CDH12: variants seen among roughly 807,000 people sequenced by gnomAD.
CDH12 encodes cadherin 12.
Under a neutral mutation model 74.1 loss-of-function variants are expected in CDH12, and 41 were observed. The ratio of observed to expected loss-of-function variants is 0.55; its 90% CI spans 0.43 to 0.72. The LOEUF is 0.72. CDH12 is among the 30% of genes least tolerant of loss of function. The pLI is 0.00. For missense variants in CDH12, 945 were observed against 977.2 expected, an observed-to-expected ratio of 0.97 and a Z score of 0.44; for synonymous variants, 399 against 355.0, an observed-to-expected ratio of 1.12 and a Z score of -1.39.
At chr5:22,281,214 G>T (rs1736865093) in intron 3 of CDH12, among the ~76,000 whole-genome samples, 1 of 152,150 alleles carries the variant, frequency 6.6e-6, no homozygotes, top group Non-Finnish European at 1.5e-5. Flanking sequence ...GGTATTGGTG[G>T]GACGTTATCT....
At chr5:22,388,670 C>G (rs1742104681) in intron 3 of CDH12, among the ~76,000 whole-genome samples, 1 of 152,112 alleles carries the variant, frequency 6.6e-6, no homozygotes, top group Admixed American at 6.5e-5. Context: ...ACAAAATACA[C>G]TTAATTCTAA....
intron 1 of CDH12, among the ~76,000 whole-genome samples, chr5:22,848,862 T>C (rs1737423381): frequency 6.6e-6 from 1 of 152,218 alleles, no homozygotes. Flanking sequence ...TTTGGAAATC[T>C]TTATTTTCTG....
intron 1 of CDH12, among the ~76,000 whole-genome samples, chr5:22,775,293 A>C (rs985110188): frequency 6.6e-6 from 1 of 152,062 alleles, no homozygotes; most frequent in African/African-American, 2.4e-5. Flanking sequence ...CCACGGTCAA[A>C]ACTAGATTTG....
chr5:22,704,152 A>C (rs1161576694), intron 1 of CDH12, among the ~76,000 whole-genome samples: 1 of 152,148 alleles, frequency 6.6e-6, no homozygotes, highest in African/African-American at 2.4e-5. Flanking sequence ...TAAATTGTAA[A>C]AGTTTTGCAG....
chr5:22,026,048 T>TA (rs1561032342), intron 5 of CDH12, among the ~76,000 whole-genome samples: 1 of 152,188 alleles, frequency 6.6e-6, no homozygotes, highest in Non-Finnish European at 1.5e-5. Context: ...CCCAAATTCC[T>TA]ATTAATGTTG....
chr5:22,219,897 C>A (rs1012184222), intron 3 of CDH12, among the ~76,000 whole-genome samples: 1 of 151,654 alleles, frequency 6.6e-6, no homozygotes, highest in African/African-American at 2.4e-5. Context: ...AGATAACTCA[C>A]AAATGAGCTA....
In CDH12 at chr5:22,148,948, G is replaced by A. The variant is rs184957409; in HGVS notation, c.-187+63550C>T. ...AAACTGGCCAACATGGTGAAACCCC[G>A]TCTCACTAAAAATACAAAAATTAGC... On this transcript the variant is annotated intron_variant, in intron 4 of 14. Coordinates refer to ENST00000382254, the MANE Select transcript of CDH12 (RefSeq NM_004061.5). 6.0e-3 allele frequency among the ~76,000 whole-genome samples: 910 copies of A among 152,092 alleles called. 9 individuals are homozygous for A. The highest frequency in any genetic ancestry group is 6.8e-3 in the Non-Finnish European group (460 of 67,982).
intron 1 of CDH12, among the ~76,000 whole-genome samples, chr5:22,574,631 G>A (rs1739695518): frequency 6.6e-6 from 1 of 151,996 alleles, no homozygotes; most frequent in South Asian, 2.1e-4. Context: ...TCTATTATAT[G>A]TGTTCCCAGA....
chr5:22,548,172 T>C (rs1269448102), intron 1 of CDH12, among the ~76,000 whole-genome samples: 1 of 152,196 alleles, frequency 6.6e-6, no homozygotes, highest in Non-Finnish European at 1.5e-5. Flanking sequence ...CTTTAAAGAC[T>C]TCAGATACAT....
intron 1 of CDH12, among the ~76,000 whole-genome samples, chr5:22,631,696 C>A (rs1371635374): frequency 6.6e-6 from 1 of 152,112 alleles, no homozygotes; most frequent in African/African-American, 2.4e-5. Context: ...GTTCTGCAGG[C>A]TGTATAGGAA....
chr5:22,623,164 G>A (rs268992), intron 1 of CDH12, among the ~76,000 whole-genome samples: 73,992 of 151,916 alleles, frequency 0.49, 18,243 homozygotes, highest in Admixed American at 0.57. Flanking sequence ...TTGATGGGAC[G>A]TATCTCAAAA....
intron 1 of CDH12, among the ~76,000 whole-genome samples, chr5:22,530,151 G>C (rs1737523397): frequency 6.6e-6 from 1 of 152,114 alleles, no homozygotes; most frequent in Non-Finnish European, 1.5e-5. Flanking sequence ...CAAAGAGTAA[G>C]TTCCTTCTGA....
chr5:22,236,107 T>C (rs1752550979), intron 3 of CDH12, among the ~76,000 whole-genome samples: 1 of 152,218 alleles, frequency 6.6e-6, no homozygotes. Context: ...CTGGGGCTTG[T>C]AGAACTGAAA....
chr5:21,948,570 G>A (rs1329716454), intron 6 of CDH12, among the ~76,000 whole-genome samples: 3 of 152,026 alleles, frequency 2.0e-5, no homozygotes, highest in African/African-American at 2.4e-5. Flanking sequence ...AGGCCAAAAC[G>A]TCTTGCCTTG....
At chr5:22,774,540 C>T (rs1746987000) in intron 1 of CDH12, among the ~76,000 whole-genome samples, 1 of 151,994 alleles carries the variant, frequency 6.6e-6, no homozygotes, top group South Asian at 2.1e-4. Context: ...AAGTCTTTCC[C>T]ATGCTGTTCT....
At chr5:22,750,391 C>T (rs1353840650) in intron 1 of CDH12, among the ~76,000 whole-genome samples, 1 of 152,052 alleles carries the variant, frequency 6.6e-6, no homozygotes, top group African/African-American at 2.4e-5. Flanking sequence ...TTCTGTCACA[C>T]AAAAGTAACT....
At chr5:21,773,569 A>G (rs1451018642) in intron 11 of CDH12, among the ~76,000 whole-genome samples, 1 of 152,164 alleles carries the variant, frequency 6.6e-6, no homozygotes, top group Non-Finnish European at 1.5e-5. Context: ...CCACAGACTG[A>G]ACGCTGCAAC....
intron 2 of CDH12, among the ~76,000 whole-genome samples, chr5:22,426,131 G>A (rs537354549): frequency 1.3e-5 from 2 of 149,416 alleles, no homozygotes; most frequent in Admixed American, 6.7e-5. Flanking sequence ...AGTTTGCAGT[G>A]AGCCGAGATC....
At chr5:22,138,844 TAATATATA>T (rs1293030133) in intron 4 of CDH12, among the ~76,000 whole-genome samples, 14 of 42,580 alleles carry the variant, frequency 3.3e-4, no homozygotes, top group African/African-American at 1.3e-3. Flanking sequence ...CATATATACG[TAATATATA>T]TATATATATA....
Sources: allele counts gnomAD v4.1 joint callset (sites outside exome capture counted in the v4.1 genomes callset), GRCh38; gene constraint gnomAD v4.1.1; transcripts MANE v1.5; gene names NCBI Gene and HGNC (gene_info 2026-07-23, HGNC 2026-07-21).